Variants in RGS9 observed in about 807,000 individuals in gnomAD.
The protein encoded by RGS9 is regulator of G protein signaling 9.
Under a neutral mutation model 102.0 loss-of-function variants are expected in RGS9, and 78 were observed. The ratio of observed to expected loss-of-function variants is 0.76; its 90% CI spans 0.64 to 0.92. The LOEUF is 0.92. Ranked by LOEUF, RGS9 falls within the 40% of genes least tolerant of loss-of-function variation. The probability of loss-of-function intolerance (pLI) is 0.00; values close to 1 mark genes in which losing one functional copy is unlikely to be tolerated. For missense variants in RGS9, 833 were observed against 866.1 expected, an observed-to-expected ratio of 0.96 and a Z score of 0.48; for synonymous variants, 353 against 318.6, an observed-to-expected ratio of 1.11 and a Z score of -1.15.
chr17:65,211,746 C>T (rs911831687), intron 17 of RGS9, among the ~76,000 whole-genome samples: 9 of 152,244 alleles, frequency 5.9e-5, no homozygotes, highest in Admixed American at 2.0e-4. Context: ...TCATTCAGCA[C>T]GTCTATTGAG....
In RGS9 at chr17:65,150,095, G is replaced by A. The variant is rs141393568; in HGVS notation, c.58-3327G>A. 1.4e-3 allele frequency among the ~76,000 whole-genome samples: 206 copies of A among 152,310 alleles called. 1 individual carries two copies. The highest frequency in any genetic ancestry group is 4.8e-3 in the African/African-American group (201 of 41,560). On this transcript the variant is annotated intron_variant, in intron 1 of 18. Transcript: ENST00000262406. ...GAGATGTTTTACTTTGGGTAATGGC[G>A]GGAATGTGGACAGACTTGGTGTGAG...
At chr17:65,156,630 G>A (rs552042734) in intron 2 of RGS9, among the ~76,000 whole-genome samples, 111 of 152,354 alleles carry the variant, frequency 7.3e-4, no homozygotes, top group Admixed American at 1.2e-3. Context: ...CGTAGACCGC[G>A]TGGTACAGAT....
chr17:65,198,736 T>A (rs1431967634), intron 13 of RGS9, among the ~76,000 whole-genome samples: 1 of 152,254 alleles, frequency 6.6e-6, no homozygotes, highest in Admixed American at 6.5e-5. Flanking sequence ...GACACTCAGC[T>A]GCTTACTACC....
At chr17:65,155,092 C>T (rs1910720494) in intron 2 of RGS9, among the ~76,000 whole-genome samples, 1 of 152,174 alleles carries the variant, frequency 6.6e-6, no homozygotes, top group African/African-American at 2.4e-5. Flanking sequence ...TAGAGCAGCT[C>T]ATGGAGGAAA....
intron 13 of RGS9, among the ~76,000 whole-genome samples, chr17:65,200,715 C>T (rs1019597870): frequency 3.9e-5 from 6 of 152,112 alleles, no homozygotes; most frequent in Admixed American, 6.5e-5. Flanking sequence ...GACCCTTGAC[C>T]AACACTGGTT....
rs1598574545 is a variant in RGS9, at chr17:65,163,092, G to A, written c.500+3G>A. On this transcript the variant is annotated splice_donor_region_variant and intron_variant, in intron 7 of 18. Transcript: ENST00000262406. ...ATGCAGGCCAAAGAGCAGTACAGGT[G>A]AGTGAAAGGAGACCATGCTTGTCCT... 1 of 1,542,106 alleles carries A rather than the reference G, an allele frequency of 6.5e-7. No homozygotes were observed. The highest frequency in any genetic ancestry group is 2.2e-5 in the East Asian group (1 of 44,446).
In RGS9 at chr17:65,161,788, C is replaced by T. The variant is rs1445009504; in HGVS notation, c.423+879C>T. Among the ~76,000 whole-genome samples the T allele has an allele frequency of 4.6e-5, 7 of 151,830 alleles. No individual in the cohort carries two copies. The South Asian group carries it at 6.2e-4, about 14-fold the overall frequency. ...AGGCTGGCCTATAGTGGTGCAGTCTCGGCTCACTGCAACTTCTGTCTCCTG... is the reference window on the plus strand; with the variant it reads ...AGGCTGGCCTATAGTGGTGCAGTCTTGGCTCACTGCAACTTCTGTCTCCTG... On this transcript the variant is annotated intron_variant, in intron 6 of 18. Transcript: ENST00000262406.
chr17:65,180,436 C>T (rs536396127), intron 9 of RGS9, among the ~76,000 whole-genome samples: 1 of 152,110 alleles, frequency 6.6e-6, no homozygotes, highest in Non-Finnish European at 1.5e-5. Context: ...GCAACCTCCG[C>T]CTTCCGGGTT....
At chr17:65,195,481 A>G (rs1045498315) in intron 12 of RGS9, among the ~76,000 whole-genome samples, 1 of 152,038 alleles carries the variant, frequency 6.6e-6, no homozygotes, top group East Asian at 1.9e-4. Context: ...ATTTGTAAGT[A>G]TATGTATATA....
At chr17:65,203,124 T>G (rs1308042581) in intron 14 of RGS9, among the ~76,000 whole-genome samples, 1 of 152,180 alleles carries the variant, frequency 6.6e-6, no homozygotes, top group Non-Finnish European at 1.5e-5. Context: ...GAACTCAGAT[T>G]GCAACACCCC....
chr17:65,174,943 A>G (rs1397005121), intron 8 of RGS9, among the ~76,000 whole-genome samples: 3 of 152,130 alleles, frequency 2.0e-5, no homozygotes. Context: ...ATGAGAACTC[A>G]CTATCATGAG....
At chr17:65,185,062 C>T (rs1912058065) in intron 9 of RGS9, among the ~76,000 whole-genome samples, 1 of 152,062 alleles carries the variant, frequency 6.6e-6, no homozygotes, top group South Asian at 2.1e-4. Context: ...TCCACCACTC[C>T]CTCCAAATCA....
intron 9 of RGS9, among the ~76,000 whole-genome samples, chr17:65,187,857 G>A (rs7221103): frequency 0.25 from 37,881 of 152,036 alleles, 7,255 homozygotes; most frequent in African/African-American, 0.54. Context: ...TTAGCTGGGC[G>A]TGGTGGTGTG....
intron 12 of RGS9, among the ~76,000 whole-genome samples, chr17:65,194,566 C>G (rs1449773596): frequency 6.6e-6 from 1 of 151,066 alleles, no homozygotes; most frequent in African/African-American, 2.5e-5. Flanking sequence ...CCTGCCCTTT[C>G]CCTTACCCTT....
chr17:65,159,341 C>T (rs992897893), intron 3 of RGS9, among the ~76,000 whole-genome samples: 19 of 152,084 alleles, frequency 1.2e-4, no homozygotes, highest in Admixed American at 4.6e-4. Context: ...CACACGGACA[C>T]GAGTGAAAGG....
chr17:65,174,644 CGT>C (rs373280733), intron 8 of RGS9, among the ~76,000 whole-genome samples: 2 of 150,504 alleles, frequency 1.3e-5, no homozygotes, highest in Non-Finnish European at 3.0e-5. Flanking sequence ...TCAGTATGCA[CGT>C]GTGTGAGTGT....
Position 65,137,554 on chromosome 17 carries a change from A to G in RGS9, c.14A>G (p.His5Arg). Residue 5 changes from histidine (H) to arginine (R), a missense_variant, in exon 1 of 19, where the codon CAC becomes CGC. Physicochemically the swap from His to Arg is conservative, Grantham distance 29 (BLOSUM62 0). Transcript: ENST00000262406. ...CCAGGGGCCAGGATGACAATCCGAC[A>G]CCAAGGCCAGCAGTACAGGCCGAGG... MTIR[H>R]QGQQYRPRMA... 1 of 1,612,592 alleles carries G rather than the reference A, an allele frequency of 6.2e-7. No individual in the cohort carries two copies. The highest frequency in any genetic ancestry group is 8.5e-7 in the Non-Finnish European group (1 of 1,179,984).
At chr17:65,211,380 C>T (rs80238085) in intron 17 of RGS9, among the ~76,000 whole-genome samples, 10,100 of 152,182 alleles carry the variant, frequency 0.066, 441 homozygotes, top group Middle Eastern at 0.12. Context: ...GGGAAATAAG[C>T]GGCTTGCGGG....
At chr17:65,163,433 C>T (rs1183775965) in intron 7 of RGS9, among the ~76,000 whole-genome samples, 1 of 152,046 alleles carries the variant, frequency 6.6e-6, no homozygotes, top group African/African-American at 2.4e-5. Context: ...ACCTCGTGAT[C>T]AGCCTGCCTC....
Sources: allele counts gnomAD v4.1 joint callset (sites outside exome capture counted in the v4.1 genomes callset), GRCh38; gene constraint gnomAD v4.1.1; transcripts MANE v1.5; gene names NCBI Gene and HGNC (gene_info 2026-07-23, HGNC 2026-07-21).